The following NTRK3 variants were observed in gnomAD, a reference collection of about 807,000 sequenced individuals.
NTRK3 encodes neurotrophic receptor tyrosine kinase 3.
A neutral mutation model predicts 91.7 loss-of-function variants in NTRK3; 24 were observed. The ratio of observed to expected loss-of-function variants is 0.26; its 90% confidence interval spans 0.19 to 0.37. The LOEUF (loss-of-function observed/expected upper bound fraction) is 0.37, where lower values mean the gene tolerates loss of function less well. Among genes scored for constraint, NTRK3 ranks in the 10% least tolerant of loss-of-function variants. The probability of loss-of-function intolerance (pLI) is 1.00; values close to 1 mark genes in which losing one functional copy is unlikely to be tolerated. For missense variants in NTRK3, 880 were observed against 1,068.9 expected (o/e 0.82, Z 2.46); for synonymous variants, 483 against 404.0 (o/e 1.20, Z -2.34).
intron 3 of NTRK3, among the ~76,000 whole-genome samples, chr15:88,229,141 G>C (rs951938534): frequency 1.3e-5 from 2 of 152,138 alleles, no homozygotes; most frequent in African/African-American, 4.8e-5. Flanking sequence ...ATTTTCATCA[G>C]AAAAATAAAC....
intron 8 of NTRK3, among the ~76,000 whole-genome samples, 154 bp from the exon 9 acceptor site, chr15:88,136,194 C>A (rs184660280): frequency 6.6e-6 from 1 of 152,250 alleles, no homozygotes; most frequent in African/African-American, 2.4e-5. Flanking sequence ...TGCCAGGCTC[C>A]TCATAGGCAA....
rs561689834 is a variant in NTRK3, at chr15:87,906,328, A to C, written c.2133+22863T>G. On this transcript the variant is annotated intron_variant, in intron 17 of 18. Coordinates refer to ENST00000394480, the Ensembl canonical transcript of NTRK3. ...AGCAGCTGTAAGCTGCCCTTCCGTT[A>C]CCCCACAGAAAGGCAGATGGGAGAA... Among the ~76,000 whole-genome samples, 10 of 152,300 alleles carry C rather than the reference A, an allele frequency of 6.6e-5. No individual in the cohort carries two copies. In the South Asian group the frequency reaches 2.1e-3, roughly 32 times the overall value.
chr15:87,932,898 C>G, intron 16 of NTRK3, 114 bp downstream of exon 16: 1 of 1,068,012 alleles, frequency 9.4e-7, no homozygotes, highest in East Asian at 2.5e-5. Context: ...CATCTAATTT[C>G]TCATCCTGAG....
intron 3 of NTRK3, chr15:88,210,193 A>C (rs915497156): frequency 2.6e-5 from 4 of 152,152 alleles, no homozygotes; most frequent in African/African-American, 9.6e-5. Context: ...GGGAGCCCAC[A>C]CCTAGGAAGA....
In NTRK3 at chr15:88,027,431, G is replaced by T. The variant is rs574445743; in HGVS notation, c.1585+5426C>A. ...AGAGTCTCGCTCTGTCGCCCAGGCTGCAGTGCAGTGGCGCAACCTCGGCTC... is the reference window on the plus strand; with the variant it reads ...AGAGTCTCGCTCTGTCGCCCAGGCTTCAGTGCAGTGGCGCAACCTCGGCTC... On this transcript the variant is annotated intron_variant, in intron 14 of 18. Coordinates refer to ENST00000394480, the Ensembl canonical transcript of NTRK3. Among the ~76,000 whole-genome samples the T allele has an allele frequency of 4.6e-5, 7 of 152,264 alleles. No individual in the cohort carries two copies. In the South Asian group the frequency reaches 1.5e-3, roughly 32 times the overall value.
At chr15:88,036,443 C>G (rs1283901278) in intron 13 of NTRK3, among the ~76,000 whole-genome samples, 2 of 151,754 alleles carry the variant, frequency 1.3e-5, no homozygotes, top group African/African-American at 4.8e-5. Context: ...AAAATCAATC[C>G]ACTCTAAGAA....
At chr15:88,015,868 C>A (rs148383231) in intron 14 of NTRK3, among the ~76,000 whole-genome samples, 1 of 152,022 alleles carries the variant, frequency 6.6e-6, no homozygotes, top group Non-Finnish European at 1.5e-5. Context: ...ATTGACTGAT[C>A]GCCAGCTCTA....
At chr15:87,966,907 C>A (rs1430856302) in intron 14 of NTRK3, among the ~76,000 whole-genome samples, 1 of 152,186 alleles carries the variant, frequency 6.6e-6, no homozygotes, top group Non-Finnish European at 1.5e-5. Context: ...ATACTGTTAG[C>A]ATTTGGGGCT....
intron 14 of NTRK3, among the ~76,000 whole-genome samples, chr15:87,991,667 T>C (rs2075297669): frequency 6.6e-6 from 1 of 152,198 alleles, no homozygotes; most frequent in Admixed American, 6.5e-5. Flanking sequence ...TTACCTAAGT[T>C]CAAACTCTTG....
At chr15:87,867,771 C>T (rs967667761) in exon 19 of NTRK3, 3 of 227,808 alleles carry the variant, frequency 1.3e-5, no homozygotes, top group Non-Finnish European at 1.7e-5. Context: ...CAATAACCTG[C>T]TTAAACTACT....
chr15:88,183,339 T>TAG, intron 5 of NTRK3, 79 bp downstream of exon 5: 1 of 1,471,472 alleles, frequency 6.8e-7, no homozygotes, highest in Non-Finnish European at 9.5e-7. Flanking sequence ...AAGCCAGGTC[T>TAG]AGACCTCAGG....
chr15:87,951,392 G>A (rs1211183306), intron 14 of NTRK3, among the ~76,000 whole-genome samples: 2 of 152,198 alleles, frequency 1.3e-5, no homozygotes, highest in African/African-American at 4.8e-5. Flanking sequence ...AGTAAGTGGT[G>A]TTGGCAAAGA....
chr15:88,032,045 C>G (rs1198737341), intron 14 of NTRK3, among the ~76,000 whole-genome samples: 1 of 152,154 alleles, frequency 6.6e-6, no homozygotes. Context: ...TCTCCAGGAG[C>G]TGCTGTGCTC....
chr15:88,187,607 A>AT lies in NTRK3; in HGVS notation c.249-3309dup, dbSNP rs570450825. Among the ~76,000 whole-genome samples, 66 of 152,088 alleles carry AT rather than the reference A, an allele frequency of 4.3e-4. 1 individual carries two copies. In the South Asian group the frequency reaches 0.013, roughly 30 times the overall value. ...TACACGTGGCTTCTCCTTTTTTGTGATTTTCTGGGCTGTACAGGTTGTTTT... is the reference window on the plus strand; with the variant it reads ...TACACGTGGCTTCTCCTTTTTTGTGATTTTTCTGGGCTGTACAGGTTGTTTT... On this transcript the variant is annotated intron_variant, in intron 3 of 18. Coordinates refer to ENST00000394480, the Ensembl canonical transcript of NTRK3.
intron 17 of NTRK3, among the ~76,000 whole-genome samples, chr15:87,899,330 G>C (rs1378217466): frequency 6.6e-6 from 1 of 152,100 alleles, no homozygotes; most frequent in Non-Finnish European, 1.5e-5. Context: ...ATAAGTCTTT[G>C]CTGGTTTGTG....
chr15:88,135,261 G>A (rs771618238), exon 10 of NTRK3: 1 of 1,614,192 alleles, frequency 6.2e-7, no homozygotes, highest in Admixed American at 1.7e-5. Flanking sequence ...ATTCCACATG[G>A]ATGATCTTGG....
exon 19 of NTRK3, chr15:87,871,074 GA>G (rs1458358264): frequency 4.4e-6 from 1 of 229,632 alleles, no homozygotes; most frequent in Non-Finnish European, 8.6e-6. Flanking sequence ...AAGTAAACTA[GA>G]AAGAAGAGAA....
intron 17 of NTRK3, among the ~76,000 whole-genome samples, chr15:87,916,983 C>T (rs532061679): frequency 2.6e-5 from 4 of 152,284 alleles, no homozygotes; most frequent in South Asian, 2.1e-4. Flanking sequence ...AAGCTGGTCT[C>T]GAGCTCCTAA....
intron 13 of NTRK3, among the ~76,000 whole-genome samples, chr15:88,046,306 G>A (rs973050121): frequency 6.6e-6 from 1 of 152,120 alleles, no homozygotes; most frequent in Non-Finnish European, 1.5e-5. Context: ...GGCCTTTCCT[G>A]CCCATGTGCT....
Sources: allele counts gnomAD v4.1 joint callset (sites outside exome capture counted in the v4.1 genomes callset), GRCh38; gene constraint gnomAD v4.1.1; transcripts MANE v1.5; gene names NCBI Gene and HGNC (gene_info 2026-07-23, HGNC 2026-07-21).